The following USP28 variants were observed in gnomAD, a reference collection of about 807,000 sequenced individuals.
USP28 encodes the protein ubiquitin carboxyl-terminal hydrolase 28.
Under a neutral mutation model 145.0 loss-of-function variants are expected in USP28, and 113 were observed. That is an observed-to-expected ratio of 0.78 (90% CI 0.67 to 0.91). The LOEUF is 0.91. Among genes scored for constraint, USP28 ranks in the 40% least tolerant of loss-of-function variants. The pLI, the probability that USP28 is intolerant of heterozygous loss-of-function variation, is 0.00. For synonymous variants in USP28, 447 were observed against 450.9 expected, an observed-to-expected ratio of 0.99 and a Z score of 0.11; for missense variants, 1,201 against 1,289.6, an observed-to-expected ratio of 0.93 and a Z score of 1.05.
intron 12 of USP28, chr11:113,821,225 C>A: frequency 4.5e-6 from 1 of 223,378 alleles, no homozygotes; most frequent in South Asian, 8.2e-5. Context: ...GGACACCACT[C>A]CACCTGGTCT....
In USP28 at chr11:113,838,538, C is replaced by T. The variant is rs144762435; in HGVS notation, c.534+2060G>A. On this transcript the variant is annotated intron_variant, in intron 5 of 24. Transcript: ENST00000003302. Reference sequence around the variant, plus strand: ...CTATTTGTCAGACACATTAAGCAAGCTCCTGAACCTCAGTCTGCTTATTTG... The same window carrying T: ...CTATTTGTCAGACACATTAAGCAAGTTCCTGAACCTCAGTCTGCTTATTTG... 4.7e-3 allele frequency among the ~76,000 whole-genome samples: 714 copies of T among 152,334 alleles called. 9 individuals are homozygous for T. The highest frequency in any genetic ancestry group is 0.015 in the African/African-American group (630 of 41,578).
chr11:113,868,323 T>C (rs571526375), intron 1 of USP28, among the ~76,000 whole-genome samples: 35 of 152,250 alleles, frequency 2.3e-4, no homozygotes, highest in Non-Finnish European at 4.4e-4. Context: ...TTTGGTTTTA[T>C]CACTTACTTG....
At chr11:113,841,693 T>C (rs1945211540) in exon 4 of USP28, 2 of 1,613,330 alleles carry the variant, frequency 1.2e-6, no homozygotes, top group Non-Finnish European at 1.7e-6. Context: ...AGCTTGAATT[T>C]TGGGAGACTC....
At chr11:113,829,043 T>C (rs143772237) in intron 10 of USP28, 154 bp downstream of exon 10, 4 of 947,050 alleles carry the variant, frequency 4.2e-6, no homozygotes, top group Middle Eastern at 2.1e-4. Context: ...TGATACTCAC[T>C]GACTCACATC....
intron 5 of USP28, among the ~76,000 whole-genome samples, chr11:113,836,593 C>CT (rs2136073622): frequency 6.6e-6 from 1 of 152,318 alleles, no homozygotes; most frequent in African/African-American, 2.4e-5. Context: ...CATCCAATCC[C>CT]TGAGGACATC....
chr11:113,837,741 G>A (rs1944730048), intron 5 of USP28, among the ~76,000 whole-genome samples: 1 of 152,104 alleles, frequency 6.6e-6, no homozygotes, highest in Non-Finnish European at 1.5e-5. Context: ...TAAATGAGTT[G>A]AGTTTTCCAT....
At chr11:113,829,915 C>CA (rs904338959) in intron 9 of USP28, among the ~76,000 whole-genome samples, 4 of 151,190 alleles carry the variant, frequency 2.6e-5, no homozygotes, top group African/African-American at 4.9e-5. Context: ...ATAGTCTTGC[C>CA]AAAAAAAGCC....
chr11:113,805,680 T>C (rs1322211341), intron 19 of USP28, among the ~76,000 whole-genome samples: 1 of 152,244 alleles, frequency 6.6e-6, no homozygotes, highest in African/African-American at 2.4e-5. Context: ...TCTATACAAA[T>C]GCAATTTTAC....
exon 13 of USP28, chr11:113,817,694 A>G (rs1941945084): frequency 8.1e-6 from 13 of 1,614,224 alleles, no homozygotes; most frequent in Non-Finnish European, 8.5e-6. Flanking sequence ...CGAGCAGTGC[A>G]CTGAAGAAAG....
chr11:113,857,655 G>A (rs751244365), intron 1 of USP28, among the ~76,000 whole-genome samples: 2 of 152,148 alleles, frequency 1.3e-5, no homozygotes, highest in Non-Finnish European at 2.9e-5. Flanking sequence ...AGAACATCTT[G>A]ATCTCAGAGA....
intron 1 of USP28, among the ~76,000 whole-genome samples, chr11:113,871,738 C>T (rs1320986991): frequency 6.6e-6 from 1 of 152,162 alleles, no homozygotes; most frequent in Non-Finnish European, 1.5e-5. Flanking sequence ...TTTTAGACAT[C>T]AGCGAGCTCA....
chr11:113,853,376 G>T (rs1408240625), intron 2 of USP28, among the ~76,000 whole-genome samples: 1 of 138,662 alleles, frequency 7.2e-6, no homozygotes, highest in Non-Finnish European at 1.6e-5. Flanking sequence ...TGTTTTTAAT[G>T]TTTTATGAGG....
chr11:113,868,925 C>CAA (rs58107096), intron 1 of USP28, among the ~76,000 whole-genome samples: 23 of 77,862 alleles, frequency 3.0e-4, no homozygotes, highest in Non-Finnish European at 4.5e-4. Flanking sequence ...GACCATGTCT[C>CAA]AAAAAAAAAA....
intron 5 of USP28, among the ~76,000 whole-genome samples, chr11:113,837,781 T>C (rs1944734917): frequency 6.6e-6 from 1 of 152,242 alleles, no homozygotes; most frequent in Non-Finnish European, 1.5e-5. Flanking sequence ...GTCAAGAGGA[T>C]GTCCTGATAG....
intron 4 of USP28, among the ~76,000 whole-genome samples, 182 bp downstream of exon 4, chr11:113,841,481 C>A (rs181007574): frequency 6.6e-6 from 1 of 152,174 alleles, no homozygotes; most frequent in Non-Finnish European, 1.5e-5. Flanking sequence ...CAATAAGACC[C>A]CTTTCAGTTT....
At chr11:113,875,541 C>A in exon 1 of USP28, 1 of 1,136,020 alleles carries the variant, frequency 8.8e-7, no homozygotes, top group Non-Finnish European at 1.1e-6. Flanking sequence ...TCTCCCGCCG[C>A]AGCCGCCGCC....
At chr11:113,831,436 T>C (rs1943972371) in intron 8 of USP28, among the ~76,000 whole-genome samples, 1 of 152,212 alleles carries the variant, frequency 6.6e-6, no homozygotes, top group Admixed American at 6.5e-5. Flanking sequence ...GTTACAATGC[T>C]TCTACCTAGA....
intron 14 of USP28, among the ~76,000 whole-genome samples, chr11:113,814,617 C>G (rs1442437267): frequency 6.6e-6 from 1 of 151,716 alleles, no homozygotes; most frequent in Non-Finnish European, 1.5e-5. Flanking sequence ...TCAGTTGATG[C>G]AGAAAAATCT....
At chr11:113,809,446 A>T (rs1940601246) in intron 16 of USP28, among the ~76,000 whole-genome samples, 192 bp from the exon 17 acceptor site, 1 of 152,180 alleles carries the variant, frequency 6.6e-6, no homozygotes, top group Non-Finnish European at 1.5e-5. Flanking sequence ...TGGACTTCAA[A>T]TTTTTTTCAT....
Sources: gnomAD v4.1 joint callset for allele counts (sites outside exome capture counted in the v4.1 genomes callset) on GRCh38, gnomAD v4.1.1 for gene constraint, MANE v1.5 for transcripts, NCBI Gene and HGNC (gene_info 2026-07-23, HGNC 2026-07-21) for gene names.